IL1RAPL1: variants seen among roughly 807,000 people sequenced by gnomAD.
The protein encoded by IL1RAPL1 is interleukin 1 receptor accessory protein like 1.
Under a neutral mutation model 48.4 loss-of-function variants are expected in IL1RAPL1, and 3 were observed. The observed-to-expected ratio is 0.06, with a 90% CI of 0.03 to 0.16. The LOEUF (loss-of-function observed/expected upper bound fraction) is 0.16. IL1RAPL1 is among the 10% of genes least tolerant of loss of function. The probability of loss-of-function intolerance (pLI) is 1.00; values close to 1 mark genes in which losing one functional copy is unlikely to be tolerated. For synonymous variants in IL1RAPL1, 185 were observed against 187.7 expected (o/e 0.99, Z 0.12); for missense variants, 349 against 530.6 (o/e 0.66, Z 3.36).
At chrX:28,717,784 A>G (rs1283897479) in intron 1 of IL1RAPL1, among the ~76,000 whole-genome samples, 1 of 111,188 alleles carries the variant, frequency 9.0e-6, no homozygotes, top group Admixed American at 9.6e-5. Flanking sequence ...ACTTTGAAAG[A>G]AGGTATACGT....
intron 5 of IL1RAPL1, among the ~76,000 whole-genome samples, chrX:29,510,404 T>C (rs1014396291): frequency 8.9e-6 from 1 of 112,314 alleles, no homozygotes; most frequent in Non-Finnish European, 1.9e-5. Context: ...GTTTCACATT[T>C]TCCAATGACA....
At chrX:29,838,397 C>A (rs188339592) in intron 6 of IL1RAPL1, among the ~76,000 whole-genome samples, 1 of 112,142 alleles carries the variant, frequency 8.9e-6, no homozygotes, top group Non-Finnish European at 1.9e-5. Flanking sequence ...CCTCAAGTAT[C>A]AAGAGCATTG....
chrX:28,731,186 A>G (rs926921996), intron 1 of IL1RAPL1, among the ~76,000 whole-genome samples: 4 of 111,858 alleles, frequency 3.6e-5, no homozygotes, highest in Non-Finnish European at 7.5e-5. Flanking sequence ...TGTCACGTTC[A>G]TTTGTCCTTT....
chrX:29,470,263 G>T (rs1261996281), intron 5 of IL1RAPL1, among the ~76,000 whole-genome samples: 1 of 111,835 alleles, frequency 8.9e-6, no homozygotes, highest in Non-Finnish European at 1.9e-5. Context: ...AAGTCTCCAA[G>T]ATCTTTTATT....
intron 6 of IL1RAPL1, among the ~76,000 whole-genome samples, chrX:29,844,769 G>A (rs1361733788): frequency 5.4e-5 from 6 of 111,978 alleles, no homozygotes; most frequent in Non-Finnish European, 7.5e-5. Context: ...TATCCACAGC[G>A]AGTCCAAAAC....
chrX:28,819,985 T>G (rs868285986), intron 2 of IL1RAPL1, among the ~76,000 whole-genome samples: 2,992 of 75,844 alleles, frequency 0.039, 152 homozygotes, highest in African/African-American at 0.11. Flanking sequence ...TATATATATA[T>G]ATATATATAT....
At chrX:29,357,316 G>GT (rs1432703835) in intron 3 of IL1RAPL1, among the ~76,000 whole-genome samples, 1 of 111,778 alleles carries the variant, frequency 8.9e-6, no homozygotes, top group Non-Finnish European at 1.9e-5. Flanking sequence ...ACAAAATCCT[G>GT]TTTTTTTACT....
intron 5 of IL1RAPL1, among the ~76,000 whole-genome samples, chrX:29,632,483 T>C (rs1453507785): frequency 9.0e-6 from 1 of 111,699 alleles, no homozygotes; most frequent in East Asian, 2.8e-4. Context: ...TTCACTGAAT[T>C]CTAGGCTTCT....
chrX:29,424,933 C>A (rs765998099), intron 5 of IL1RAPL1, among the ~76,000 whole-genome samples: 7 of 111,986 alleles, frequency 6.3e-5, no homozygotes, highest in Non-Finnish European at 1.1e-4. Context: ...TTCATTTAAT[C>A]TTCACAGTCA....
intron 6 of IL1RAPL1, among the ~76,000 whole-genome samples, chrX:29,846,146 G>A (rs1008526752): frequency 2.7e-5 from 3 of 111,108 alleles, no homozygotes; most frequent in Admixed American, 9.6e-5. Context: ...TTGGCTTTCC[G>A]TGCAACACTG....
At chrX:28,675,963 T>G (rs1934992589) in intron 1 of IL1RAPL1, among the ~76,000 whole-genome samples, 1 of 111,698 alleles carries the variant, frequency 9.0e-6, no homozygotes, top group Non-Finnish European at 1.9e-5. Flanking sequence ...CATTCATGAG[T>G]TGTATGAGTG....
rs1327694436 is a variant in IL1RAPL1 at position 28,747,787 on chromosome X, G to A, written c.-24-41533G>A. Among the ~76,000 whole-genome samples, 30 of 111,644 alleles carry A rather than the reference G, an allele frequency of 2.7e-4. No homozygotes were observed. In the Admixed American group the frequency reaches 2.9e-3, roughly 11 times the overall value. On this transcript the variant is annotated intron_variant, in intron 1 of 10. Transcript: ENST00000378993. ...CTGTATTTCCATAACTATGTGTTCT[G>A]AGTATTTATACATTGGAACTTGGTA...
In IL1RAPL1 at chrX:29,040,956, T is replaced by C. The variant is rs753767998; in HGVS notation, c.83-241982T>C. ...AGAGGACATTTTACCTTTCTTCTAATATATTATATTTGGTGTAGCATTTCT... is the reference window on the plus strand; with the variant it reads ...AGAGGACATTTTACCTTTCTTCTAACATATTATATTTGGTGTAGCATTTCT... On this transcript the variant is annotated intron_variant, in intron 2 of 10. Transcript: ENST00000378993. 2.7e-5 allele frequency among the ~76,000 whole-genome samples: 3 copies of C among 112,581 alleles called. No homozygotes were observed. In the East Asian group the frequency reaches 8.4e-4, roughly 31 times the overall value.
chrX:28,972,221 A>G (rs1925094675), intron 2 of IL1RAPL1, among the ~76,000 whole-genome samples: 1 of 111,263 alleles, frequency 9.0e-6, no homozygotes, highest in Non-Finnish European at 1.9e-5. Flanking sequence ...CATGAAATCC[A>G]AACTTTTTGG....
intron 6 of IL1RAPL1, among the ~76,000 whole-genome samples, chrX:29,703,263 G>GA (rs765544652): frequency 9.0e-6 from 1 of 111,399 alleles, no homozygotes; most frequent in Admixed American, 9.5e-5. Flanking sequence ...AGAACATACC[G>GA]AAAAATATTT....
At chrX:28,972,220 C>A (rs1429252949) in intron 2 of IL1RAPL1, among the ~76,000 whole-genome samples, 1 of 110,937 alleles carries the variant, frequency 9.0e-6, no homozygotes, top group African/African-American at 3.3e-5. Context: ...CCATGAAATC[C>A]AAACTTTTTG....
At chrX:29,465,291 A>G (rs1421160362) in intron 5 of IL1RAPL1, among the ~76,000 whole-genome samples, 1 of 110,507 alleles carries the variant, frequency 9.0e-6, no homozygotes, top group Non-Finnish European at 1.9e-5. Context: ...CTATGGTCCT[A>G]AGTACTTTGG....
Position 29,955,315 on chromosome X carries a change from A to G in IL1RAPL1, c.1586A>G (p.His529Arg), listed in dbSNP as rs1933397671. Residue 529 changes from histidine (H) to arginine (R), a missense_variant, in exon 11 of 11, where the codon CAC (histidine) becomes CGC (arginine). By Grantham distance (29) the His-to-Arg change is conservative. Transcript: ENST00000378993. ...TACCAGGAGGTGGAGGCCCTGAAGC[A>G]CACCATCAAGCTCCTGACGGTCATT... ...MNYQEVEALKHTIKLLTVIKW... is the reference protein window; with the variant it reads ...MNYQEVEALKRTIKLLTVIKW... 8.3e-7 allele frequency: 1 copy of G among 1,209,408 alleles called. No individual in the cohort carries two copies. The highest frequency in any genetic ancestry group is 1.8e-5 in the South Asian group (1 of 56,752).
chrX:28,723,805 A>G (rs866377158), intron 1 of IL1RAPL1, among the ~76,000 whole-genome samples: 28 of 111,691 alleles, frequency 2.5e-4, no homozygotes, highest in Middle Eastern at 4.6e-3. Flanking sequence ...CTTTGTTCTC[A>G]TTGGTTTCAA....
Sources: allele counts gnomAD v4.1 joint callset (sites outside exome capture counted in the v4.1 genomes callset), GRCh38; gene constraint gnomAD v4.1.1; transcripts MANE v1.5; gene names NCBI Gene and HGNC (gene_info 2026-07-23, HGNC 2026-07-21).